Variants in ELAVL3 observed in about 807,000 individuals in gnomAD.
ELAVL3 encodes ELAV like RNA binding protein 3, also known as ELAV-like protein 3.
ELAVL3 carries 8 observed loss-of-function variants against 34.2 expected under a neutral mutation model. The ratio of observed to expected loss-of-function variants is 0.23; its 90% confidence interval spans 0.14 to 0.42. The LOEUF is 0.42. ELAVL3 is among the 10% of genes least tolerant of loss of function. The pLI is 1.00. For missense variants in ELAVL3, 273 were observed against 518.8 expected (o/e 0.53, Z 4.60); for synonymous variants, 209 against 222.1 (o/e 0.94, Z 0.53).
intron 3 of ELAVL3, among the ~76,000 whole-genome samples, chr19:11,462,840 T>C (rs1442984044): frequency 6.6e-6 from 1 of 150,840 alleles, no homozygotes; most frequent in Non-Finnish European, 1.5e-5. Context: ...CTGGCGCCTG[T>C]AGTCCCAGCT....
chr19:11,454,382 G>T lies in ELAVL3; in HGVS notation c.*144C>A. On this transcript the variant is annotated 3_prime_UTR_variant, in exon 7 of 7. Coordinates refer to ENST00000359227, the MANE Select transcript of ELAVL3 (RefSeq NM_001420.4). This position sits in a 1 kb window ranked among gnomAD's most constrained non-coding sequence, Gnocchi z 9.2. ...CCCACCCCAGAGTGCTCACCCTGTG[G>T]CTTCCGCAGGGACGTGGGGCCCTCG... 1.2e-6 allele frequency: 1 copy of T among 807,440 alleles called. No homozygotes were observed. Among genetic ancestry groups the T allele is most frequent in the Non-Finnish European group, 1.9e-6 (1 of 526,492 alleles). The allele number at this position is 807,440 out of a possible 1,614,324, so 50.0% of individuals were successfully genotyped here.
Position 11,466,731 on chromosome 19 carries a change from C to T in ELAVL3, c.106G>A (p.Asp36Asn), listed in dbSNP as rs1351425465. The part of the protein sequence containing the change: ...PLLGTNGATD[D>N]SKTNLIVNYL... ...TTGACGATGAGGTTGGTCTTGCTGT[C>T]GTCAGTGGCTCCATTTGTACCAAGG... Residue 36 changes from aspartate to asparagine, a missense_variant, in exon 2 of 7, where the codon GAC becomes AAC. Asp to Asn is a conservative substitution (Grantham distance 23, BLOSUM62 1). This residue lies in a region of ELAVL3 where 102 missense variants were observed against 250.1 expected (regional missense o/e 0.41). Transcript: ENST00000359227. The surrounding 1 kb of genome is among the most constrained non-coding windows in gnomAD (Gnocchi z 5.0). The T allele has an allele frequency of 3.1e-6, 5 of 1,614,172 alleles. No homozygotes were observed. The highest frequency in any genetic ancestry group is 1.7e-4 in the Middle Eastern group (1 of 6,060).
intron 1 of ELAVL3, among the ~76,000 whole-genome samples, chr19:11,469,421 T>C (rs1455355987): frequency 6.6e-6 from 1 of 152,044 alleles, no homozygotes; most frequent in Non-Finnish European, 1.5e-5. Flanking sequence ...GCTGGAAGTA[T>C]AGGCATGCGC....
chr19:11,472,707 A>C (rs1971187729), intron 1 of ELAVL3, among the ~76,000 whole-genome samples: 1 of 151,942 alleles, frequency 6.6e-6, no homozygotes, highest in Non-Finnish European at 1.5e-5. Flanking sequence ...TATAACAAAA[A>C]AGAAAAAGAA....
At chr19:11,472,535 T>A (rs950510335) in intron 1 of ELAVL3, among the ~76,000 whole-genome samples, 42 of 151,804 alleles carry the variant, frequency 2.8e-4, no homozygotes, top group Non-Finnish European at 4.3e-4. Context: ...ATCTTGTCTC[T>A]ACAAGAAATT....
rs1970686571 is a variant in ELAVL3 at position 11,452,969 on chromosome 19, GT to G, written c.*1556del. 6.6e-6 allele frequency: 1 copy of G among 152,284 alleles called. No homozygotes were observed. Among genetic ancestry groups the G allele is most frequent in the South Asian group, 2.1e-4 (1 of 4,832 alleles). The allele number at this position is 152,284 out of a possible 1,614,324, so 9.4% of individuals were successfully genotyped here. A position where few individuals can be genotyped will look rare whatever the true frequency, so the allele number is the denominator to read the frequency against. On this transcript the variant is annotated 3_prime_UTR_variant, in exon 7 of 7. Coordinates refer to ENST00000359227, the MANE Select transcript of ELAVL3 (RefSeq NM_001420.4). ...AACCCAACAAACCGAAAGGGGATAG[GT>G]AGGTGACAAGTGGACGGGAAAGGAG...
chr19:11,468,575 C>T (rs956415472), intron 1 of ELAVL3, among the ~76,000 whole-genome samples: 1 of 152,034 alleles, frequency 6.6e-6, no homozygotes, highest in Admixed American at 6.6e-5. Flanking sequence ...CCACCACGCC[C>T]GCCAAATTTT....
At chr19:11,471,146 C>T (rs547727807) in intron 1 of ELAVL3, among the ~76,000 whole-genome samples, 10 of 150,168 alleles carry the variant, frequency 6.7e-5, no homozygotes, top group South Asian at 2.1e-4. Flanking sequence ...CCCGTCTCTA[C>T]TAAAAATACA....
chr19:11,465,609 T>TAGGAAG (rs1971036756), intron 3 of ELAVL3, among the ~76,000 whole-genome samples: 2 of 147,268 alleles, frequency 1.4e-5, no homozygotes, highest in African/African-American at 5.2e-5. Flanking sequence ...CCTGGCTTCC[T>TAGGAAG]CCAGGGTCCG....
chr19:11,464,760 T>TCA (rs139244093), intron 3 of ELAVL3, among the ~76,000 whole-genome samples: 34,090 of 61,524 alleles, frequency 0.55, 7,484 homozygotes, highest in African/African-American at 0.73. Context: ...CACACACACA[T>TCA]CACACACACC....
At chr19:11,472,214 TGGACGCCTGTAATCCCA>T (rs1374174934) in intron 1 of ELAVL3, among the ~76,000 whole-genome samples, 8 of 152,092 alleles carry the variant, frequency 5.3e-5, no homozygotes, top group Non-Finnish European at 1.2e-4. Flanking sequence ...GGTGTGGTAG[TGGACGCCTGTAATCCCA>T]GCTACTCAGG....
At chr19:11,476,868 T>C (rs1400163083) in intron 1 of ELAVL3, among the ~76,000 whole-genome samples, 2 of 151,568 alleles carry the variant, frequency 1.3e-5, no homozygotes, top group African/African-American at 4.9e-5. Flanking sequence ...CACTGCACTC[T>C]AGCCTGGGCG....
intron 6 of ELAVL3, among the ~76,000 whole-genome samples, chr19:11,456,655 G>A (rs533798334): frequency 6.6e-5 from 10 of 151,268 alleles, no homozygotes; most frequent in African/African-American, 1.2e-4. Flanking sequence ...ATGAGACACC[G>A]CGCCCAGCCA....
At chr19:11,479,857 C>A (rs188221131) in intron 1 of ELAVL3, among the ~76,000 whole-genome samples, 2,528 of 151,796 alleles carry the variant, frequency 0.017, 59 homozygotes, top group African/African-American at 0.058. Context: ...CTGGACCTGG[C>A]CTAAGGGGGC....
At chr19:11,464,660 A>ACACATACACACAT (rs1970975765) in intron 3 of ELAVL3, among the ~76,000 whole-genome samples, 2 of 119,622 alleles carry the variant, frequency 1.7e-5, no homozygotes, top group Non-Finnish European at 3.5e-5. Flanking sequence ...TACATGACAC[A>ACACATACACACAT]CACATACACA....
Position 11,465,075 on chromosome 19 carries a change from CCA to C in ELAVL3, c.333+1095_333+1096del, listed in dbSNP as rs541798765. Among the ~76,000 whole-genome samples, 689 of 124,566 alleles carry C rather than the reference CCA, an allele frequency of 5.5e-3. 3 individuals are homozygous for C. The highest frequency in any genetic ancestry group is 8.4e-3 in the Non-Finnish European group (492 of 58,270). 81.7% of individuals were successfully genotyped at this position (124,566 alleles called of 152,430 possible). A position where few individuals can be genotyped will look rare whatever the true frequency, so the allele number is the denominator to read the frequency against. ...CACACATACACACATCCCACACACC[CCA>C]CACAGACACACACACACCACACACA... On this transcript the variant is annotated intron_variant, in intron 3 of 6. Coordinates refer to ENST00000359227, the MANE Select transcript of ELAVL3 (RefSeq NM_001420.4).
chr19:11,457,730 CAA>C (rs34878206), intron 5 of ELAVL3, among the ~76,000 whole-genome samples: 5 of 152,168 alleles, frequency 3.3e-5, no homozygotes, highest in African/African-American at 4.8e-5. Context: ...TAGCACACAG[CAA>C]AGACTCATGA....
intron 1 of ELAVL3, among the ~76,000 whole-genome samples, chr19:11,467,621 T>C (rs946506509): frequency 6.7e-6 from 1 of 149,250 alleles, no homozygotes; most frequent in Admixed American, 6.7e-5. Flanking sequence ...GTAGCTGGGA[T>C]TACAGGTGCA....
In ELAVL3 at chr19:11,464,098, C is replaced by CCT. The variant is rs1244106682; in HGVS notation, c.333+2072_333+2073dup. Reference sequence around the variant, plus strand: ...GCCTCTCTCTCCCTCCCTCTCTCTCCCTCTCTCTCTCTCTGTCTCTCTCTG... The same window carrying CCT: ...GCCTCTCTCTCCCTCCCTCTCTCTCCCTCTCTCTCTCTCTCTGTCTCTCTCTG... On this transcript the variant is annotated intron_variant, in intron 3 of 6. Coordinates refer to ENST00000359227, the MANE Select transcript of ELAVL3 (RefSeq NM_001420.4). 7.8e-4 allele frequency among the ~76,000 whole-genome samples: 106 copies of CCT among 135,058 alleles called. No homozygotes were observed. In the Middle Eastern group the frequency reaches 0.011, roughly 14 times the overall value. The allele number at this position is 135,058 out of a possible 152,430, so 88.6% of individuals were successfully genotyped here. A position where few individuals can be genotyped will look rare whatever the true frequency, so the allele number is the denominator to read the frequency against.
Sources: gnomAD v4.1 joint callset for allele counts (sites outside exome capture counted in the v4.1 genomes callset) on GRCh38, gnomAD v4.1.1 for gene constraint, gnomAD v4.1.1 regional missense constraint, Gnocchi (gnomAD v3.1) non-coding constraint, MANE v1.5 for transcripts, NCBI Gene and HGNC (gene_info 2026-07-23, HGNC 2026-07-21) for gene names.